Variants in NFIB observed in about 807,000 individuals in gnomAD.
NFIB encodes the protein nuclear factor 1 B-type.
Under a neutral mutation model 61.5 loss-of-function variants are expected in NFIB, and 11 were observed. The observed-to-expected ratio is 0.18, with a 90% CI of 0.11 to 0.30. NFIB has a LOEUF of 0.30. Ranked by LOEUF, NFIB falls within the 10% of genes least tolerant of loss-of-function variation. The pLI is 1.00. For missense variants in NFIB, 471 were observed against 608.9 expected, an observed-to-expected ratio of 0.77 and a Z score of 2.38; for synonymous variants, 260 against 216.5, an observed-to-expected ratio of 1.20 and a Z score of -1.76.
In NFIB at chr9:14,266,594, C is replaced by CAAA. The variant is rs150756221; in HGVS notation, c.562+40392_562+40394dup. On this transcript the variant is annotated intron_variant, in intron 2 of 10. Transcript: ENST00000380953. ...TAGACAATAGAGCAAGACCTTGTCT[C>CAAA]AAAAAAAAAACAATAAAATAAAGTA... Among the ~76,000 whole-genome samples the CAAA allele has an allele frequency of 4.1e-5, 6 of 146,342 alleles. No homozygotes were observed. The East Asian group carries it at 6.0e-4, about 15-fold the overall frequency.
the NFIB span, among the ~76,000 whole-genome samples, chr9:14,443,231 C>T: frequency 3.3e-5 from 5 of 151,992 alleles, no homozygotes; most frequent in Admixed American, 6.6e-5. Context: ...TGATCATCTC[C>T]GTTCTCCTTC....
chr9:14,438,553 G>C, the NFIB span, among the ~76,000 whole-genome samples: 1 of 152,218 alleles, frequency 6.6e-6, no homozygotes, highest in Non-Finnish European at 1.5e-5. Context: ...TGTGGGGAAA[G>C]CTGGAAAGGG....
At chr9:14,176,107 G>GTC (rs1335271034) in intron 3 of NFIB, among the ~76,000 whole-genome samples, 1 of 152,076 alleles carries the variant, frequency 6.6e-6, no homozygotes, top group Non-Finnish European at 1.5e-5. Flanking sequence ...CCTAAAAGTA[G>GTC]CAGTGGAGTT....
intron 1 of NFIB, among the ~76,000 whole-genome samples, chr9:14,382,194 T>C (rs2061495857): frequency 6.6e-6 from 1 of 152,106 alleles, no homozygotes; most frequent in Non-Finnish European, 1.5e-5. Flanking sequence ...AGTTATAAAG[T>C]CTTGGAGATA....
At chr9:14,526,643 T>G in the NFIB span, among the ~76,000 whole-genome samples, 1 of 152,220 alleles carries the variant, frequency 6.6e-6, no homozygotes, top group African/African-American at 2.4e-5. Context: ...GAACAATATG[T>G]ATTACAAATC....
At position 14,125,669 on chromosome 9, in the gene NFIB, C is replaced by T. The variant is rs1297821661; in HGVS notation, c.1023G>A (p.Gln341=). 1 of 1,614,106 alleles carries T rather than the reference C, an allele frequency of 6.2e-7. No homozygotes were observed. Among genetic ancestry groups the T allele is most frequent in the South Asian group, 1.1e-5 (1 of 91,080 alleles). ...CTCCAGGTATTCCGGGATGGTGGTG[C>T]TGGGGGAAAGTGCTCAGTCTTGGGG... The part of the protein sequence containing the change: ...DSSPRLSTFP[Q]HHHPGIPGVA... Residue 341 remains glutamine (Q), a synonymous_variant, in exon 7 of 11, where the codon CAG becomes CAA. Coordinates refer to ENST00000380953, the MANE Select transcript of NFIB (RefSeq NM_001190737.2).
At chr9:14,107,635 G>A (rs576241509) in intron 10 of NFIB, among the ~76,000 whole-genome samples, 1 of 152,174 alleles carries the variant, frequency 6.6e-6, no homozygotes, top group East Asian at 1.9e-4. Flanking sequence ...TTAAGGACTT[G>A]TCCAAGGTTA....
chr9:14,215,754 A>G (rs2131769384), intron 2 of NFIB, among the ~76,000 whole-genome samples: 1 of 152,340 alleles, frequency 6.6e-6, no homozygotes, highest in East Asian at 1.9e-4. Context: ...CAATTGTATT[A>G]CCAAAAGCAA....
intron 10 of NFIB, among the ~76,000 whole-genome samples, chr9:14,098,409 T>C (rs1206453878): frequency 6.6e-6 from 1 of 152,244 alleles, no homozygotes; most frequent in African/African-American, 2.4e-5. Flanking sequence ...TGTTTTAAAA[T>C]AGCTTATGTT....
chr9:14,465,535 A>C, the NFIB span, among the ~76,000 whole-genome samples: 1 of 151,834 alleles, frequency 6.6e-6, no homozygotes, highest in Admixed American at 6.6e-5. Flanking sequence ...TGTCACCGTC[A>C]ACCAAAGCAT....
chr9:14,285,556 T>C (rs528479030), intron 2 of NFIB, among the ~76,000 whole-genome samples: 1 of 152,198 alleles, frequency 6.6e-6, no homozygotes, highest in Non-Finnish European at 1.5e-5. Flanking sequence ...TTATCTAGAA[T>C]TACAGTTAAG....
At chr9:14,462,916 C>G in the NFIB span, among the ~76,000 whole-genome samples, 9 of 152,174 alleles carry the variant, frequency 5.9e-5, no homozygotes, top group African/African-American at 2.2e-4. Flanking sequence ...GAGACAATGT[C>G]ACATTCATTT....
the NFIB span, among the ~76,000 whole-genome samples, chr9:14,508,581 T>G: frequency 1.3e-5 from 2 of 152,244 alleles, no homozygotes; most frequent in Admixed American, 6.5e-5. Context: ...CTGTGTCTTG[T>G]GTCCCATATC....
At chr9:14,480,963 T>C in the NFIB span, among the ~76,000 whole-genome samples, 7 of 151,618 alleles carry the variant, frequency 4.6e-5, no homozygotes, top group Admixed American at 3.9e-4. Context: ...ATAAAAACAG[T>C]AGCAGACACA....
chr9:14,522,965 T>A, the NFIB span, among the ~76,000 whole-genome samples: 23 of 152,256 alleles, frequency 1.5e-4, no homozygotes, highest in South Asian at 4.8e-3. Context: ...TAATCCACAA[T>A]CAAATTTTTC....
chr9:14,081,956 T>C lies in NFIB; in HGVS notation c.*6353A>G, dbSNP rs2118311196. 4.9e-6 allele frequency: 1 copy of C among 205,268 alleles called. No homozygotes were observed. Among genetic ancestry groups the C allele is most frequent in the South Asian group, 1.9e-4 (1 of 5,272 alleles). 12.7% of individuals were successfully genotyped at this position (205,268 alleles called of 1,614,324 possible). On this transcript the variant is annotated 3_prime_UTR_variant, in exon 11 of 11. Transcript: ENST00000380953. ...AGCTGCTAGCAGTATAGGCTGGATA[T>C]AACAGTAACAATCACATTAAGTCAA...
intron 2 of NFIB, among the ~76,000 whole-genome samples, chr9:14,228,056 CTA>C (rs956067266): frequency 2.0e-5 from 3 of 152,056 alleles, no homozygotes; most frequent in African/African-American, 7.2e-5. Flanking sequence ...TTTGCATTTT[CTA>C]TCTTTTGAAG....
At chr9:14,348,024 A>G (rs954117815) in intron 1 of NFIB, among the ~76,000 whole-genome samples, 1 of 152,116 alleles carries the variant, frequency 6.6e-6, no homozygotes, top group Admixed American at 6.5e-5. Context: ...AGCACCCAGG[A>G]CTAGGTTTTT....
At chr9:14,409,623 T>C in the NFIB span, among the ~76,000 whole-genome samples, 1 of 152,220 alleles carries the variant, frequency 6.6e-6, no homozygotes, top group Non-Finnish European at 1.5e-5. Flanking sequence ...ACTAGAATAC[T>C]GTCTATGACA....
Sources: gnomAD v4.1 joint callset for allele counts (sites outside exome capture counted in the v4.1 genomes callset) on GRCh38, gnomAD v4.1.1 for gene constraint, MANE v1.5 for transcripts, NCBI Gene and HGNC (gene_info 2026-07-23, HGNC 2026-07-21) for gene names.